Variants in SND1 observed in about 807,000 individuals in gnomAD.
SND1 encodes the protein staphylococcal nuclease and tudor domain containing 1.
In SND1, 38 loss-of-function variants were observed where a neutral mutation model predicts 121.7. That is an observed-to-expected ratio of 0.31 (90% CI 0.24 to 0.41). SND1 has a LOEUF of 0.41. SND1 is among the 10% of genes least tolerant of loss of function. The pLI is 1.00. For missense variants in SND1, 868 were observed against 1,184.6 expected (o/e 0.73, Z 3.92); for synonymous variants, 401 against 447.4 (o/e 0.90, Z 1.31).
intron 16 of SND1, among the ~76,000 whole-genome samples, chr7:128,019,679 C>G (rs1332197893): frequency 6.6e-6 from 1 of 152,224 alleles, no homozygotes; most frequent in Non-Finnish European, 1.5e-5. Context: ...TGCCTGAAAG[C>G]ACTGTTCTTT....
At chr7:127,926,007 C>T (rs1800825465) in intron 14 of SND1, among the ~76,000 whole-genome samples, 1 of 151,978 alleles carries the variant, frequency 6.6e-6, no homozygotes, top group Non-Finnish European at 1.5e-5. Context: ...TACTTGCACT[C>T]TCTCTTTGGA....
At chr7:127,666,630 T>A (rs1179721870) in intron 1 of SND1, among the ~76,000 whole-genome samples, 1 of 151,916 alleles carries the variant, frequency 6.6e-6, no homozygotes, top group African/African-American at 2.4e-5. Context: ...AGAGCTGCGC[T>A]TTAGTGATAG....
intron 15 of SND1, among the ~76,000 whole-genome samples, chr7:127,934,716 G>C (rs1272907322): frequency 6.6e-6 from 1 of 152,130 alleles, no homozygotes; most frequent in Non-Finnish European, 1.5e-5. Context: ...AGTAAGAATA[G>C]GTTTTAGGAA....
chr7:128,032,164 T>TTA (rs1201601449), intron 16 of SND1: 1 of 151,770 alleles, frequency 6.6e-6, no homozygotes, highest in Non-Finnish European at 1.5e-5. Flanking sequence ...CTCTTATGTA[T>TTA]TAGCGCCGCT....
chr7:127,815,989 T>C (rs1798431167), intron 11 of SND1, among the ~76,000 whole-genome samples: 1 of 152,244 alleles, frequency 6.6e-6, no homozygotes, highest in Non-Finnish European at 1.5e-5. Flanking sequence ...ATACTCCTCC[T>C]GGGTGGTAAT....
intron 15 of SND1, among the ~76,000 whole-genome samples, chr7:127,952,977 A>G (rs1347693921): frequency 1.3e-5 from 2 of 152,076 alleles, no homozygotes; most frequent in Non-Finnish European, 2.9e-5. Flanking sequence ...AGCCCTGGCC[A>G]TATAGTGAGA....
intron 1 of SND1, among the ~76,000 whole-genome samples, chr7:127,673,485 T>C (rs1795561820): frequency 6.6e-6 from 1 of 152,098 alleles, no homozygotes. Flanking sequence ...CTAATTTTTG[T>C]ATTTTTAGTA....
chr7:127,941,024 C>G (rs1801187653), intron 15 of SND1, among the ~76,000 whole-genome samples: 1 of 152,228 alleles, frequency 6.6e-6, no homozygotes, highest in Non-Finnish European at 1.5e-5. Flanking sequence ...GGAGTGTTCC[C>G]AGATTCTGCT....
intron 15 of SND1, among the ~76,000 whole-genome samples, chr7:127,974,617 C>G (rs1802071908): frequency 6.6e-6 from 1 of 152,166 alleles, no homozygotes; most frequent in African/African-American, 2.4e-5. Context: ...GGAGAATTCC[C>G]CTTCCAAAGC....
chr7:128,022,826 G>A (rs1002592972), intron 16 of SND1, among the ~76,000 whole-genome samples: 1 of 152,006 alleles, frequency 6.6e-6, no homozygotes, highest in African/African-American at 2.4e-5. Context: ...TCCCCAAGCA[G>A]TGGACAGCCT....
At chr7:128,074,981 G>A (rs1376768251) in intron 17 of SND1, among the ~76,000 whole-genome samples, 2 of 152,222 alleles carry the variant, frequency 1.3e-5, no homozygotes, top group African/African-American at 4.8e-5. Context: ...ATCTGTCTAG[G>A]TGACTGTGGA....
intron 10 of SND1, among the ~76,000 whole-genome samples, chr7:127,794,620 G>T (rs1399785937): frequency 6.6e-6 from 1 of 152,204 alleles, no homozygotes; most frequent in Non-Finnish European, 1.5e-5. Context: ...GTTTCCTGTT[G>T]TCAGAGATTT....
chr7:127,993,267 G>A (rs1053936569), intron 16 of SND1, among the ~76,000 whole-genome samples: 10 of 152,260 alleles, frequency 6.6e-5, no homozygotes, highest in African/African-American at 2.4e-4. Context: ...TTTTGTTACA[G>A]GCTTATTCAT....
At chr7:127,653,949 T>A (rs1795168127) in intron 1 of SND1, among the ~76,000 whole-genome samples, 2 of 152,220 alleles carry the variant, frequency 1.3e-5, no homozygotes, top group Non-Finnish European at 2.9e-5. Context: ...GTGGCTCTTC[T>A]TTCGTTAGCT....
At chr7:128,001,020 C>T (rs553080346) in intron 16 of SND1, among the ~76,000 whole-genome samples, 1 of 152,176 alleles carries the variant, frequency 6.6e-6, no homozygotes, top group Non-Finnish European at 1.5e-5. Context: ...GTGTCTGTTG[C>T]CAAGGACTTG....
intron 14 of SND1, among the ~76,000 whole-genome samples, chr7:127,922,031 A>G (rs1800717025): frequency 6.6e-6 from 1 of 152,018 alleles, no homozygotes; most frequent in Non-Finnish European, 1.5e-5. Flanking sequence ...TCTGTCATCC[A>G]GGCTGGGAGT....
Position 128,052,546 on chromosome 7 carries a change from C to T in SND1, c.1780-21956C>T, listed in dbSNP as rs1192360396. Among the ~76,000 whole-genome samples, 1 of 152,244 alleles carries T rather than the reference C, an allele frequency of 6.6e-6. No homozygotes were observed. The highest frequency in any genetic ancestry group is 1.5e-5 in the Non-Finnish European group (1 of 68,050). On this transcript the variant is annotated intron_variant, in intron 16 of 23. Transcript: ENST00000354725. The surrounding 1 kb of genome is among the most constrained non-coding windows in gnomAD (Gnocchi z 4.6). ...TCCTGGCCCCAGACAGAGCTGTCTTCCAAGTCACGGATGTTGACGAGGCCT... is the reference window on the plus strand; with the variant it reads ...TCCTGGCCCCAGACAGAGCTGTCTTTCAAGTCACGGATGTTGACGAGGCCT...
At chr7:127,803,222 C>T (rs547782540) in intron 10 of SND1, among the ~76,000 whole-genome samples, 1 of 152,148 alleles carries the variant, frequency 6.6e-6, no homozygotes, top group African/African-American at 2.4e-5. Flanking sequence ...ACTGGGCATC[C>T]CATACCTCTT....
intron 13 of SND1, among the ~76,000 whole-genome samples, chr7:127,899,995 C>G (rs1800197571): frequency 6.6e-6 from 1 of 152,136 alleles, no homozygotes. Context: ...AGCTCTGTAG[C>G]CTCCTTTCCC....
Sources: allele counts gnomAD v4.1 joint callset (sites outside exome capture counted in the v4.1 genomes callset), GRCh38; gene constraint gnomAD v4.1.1; non-coding constraint Gnocchi (gnomAD v3.1); transcripts MANE v1.5; gene names NCBI Gene and HGNC (gene_info 2026-07-23, HGNC 2026-07-21).